PARD3B: variants seen among roughly 807,000 people sequenced by gnomAD.
The protein encoded by PARD3B is partitioning defective 3 homolog B.
A neutral mutation model predicts 130.2 loss-of-function variants in PARD3B; 103 were observed. The ratio of observed to expected loss-of-function variants is 0.79; its 90% CI spans 0.67 to 0.93. The LOEUF (loss-of-function observed/expected upper bound fraction) is 0.93. Ranked by LOEUF, PARD3B falls within the 40% of genes least tolerant of loss-of-function variation. The pLI is 0.00. For missense variants in PARD3B, 1,609 were observed against 1,499.2 expected (o/e 1.07, Z -1.21); for synonymous variants, 583 against 553.2 (o/e 1.05, Z -0.76).
intron 2 of PARD3B, among the ~76,000 whole-genome samples, chr2:204,908,549 A>G (rs1450559887): frequency 6.6e-6 from 1 of 152,228 alleles, no homozygotes; most frequent in Non-Finnish European, 1.5e-5. Context: ...TTTGTATGAA[A>G]ACAAGTGACT....
rs576305951 is a variant in PARD3B, at chr2:205,007,491, T to G, written c.395-40090T>G. 1.0e-3 allele frequency among the ~76,000 whole-genome samples: 156 copies of G among 152,226 alleles called. 1 individual carries two copies. The highest frequency in any genetic ancestry group is 9.0e-3 in the Admixed American group (137 of 15,278). ...TTTTGTATGCTTTACTGGCTGTGAG[T>G]TTTTGGCTTTATTTCTGGATTCTCT... On this transcript the variant is annotated intron_variant, in intron 3 of 22. Transcript: ENST00000406610.
At chr2:205,324,185 T>A (rs916466318) in intron 18 of PARD3B, among the ~76,000 whole-genome samples, 4 of 152,190 alleles carry the variant, frequency 2.6e-5, no homozygotes, top group African/African-American at 9.6e-5. Flanking sequence ...TGCTGCAAAC[T>A]GAAAAATGAT....
chr2:204,593,393 C>G (rs1313461083), intron 1 of PARD3B, among the ~76,000 whole-genome samples: 1 of 152,152 alleles, frequency 6.6e-6, no homozygotes, highest in African/African-American at 2.4e-5. Flanking sequence ...GTAATATCCT[C>G]CACAGTACCA....
At chr2:205,420,095 A>T (rs1477220336) in intron 19 of PARD3B, among the ~76,000 whole-genome samples, 2 of 152,222 alleles carry the variant, frequency 1.3e-5, no homozygotes, top group Non-Finnish European at 2.9e-5. Context: ...AATCCAGGTT[A>T]TACAGCATTG....
intron 3 of PARD3B, among the ~76,000 whole-genome samples, chr2:205,030,660 C>T (rs913327949): frequency 6.6e-6 from 1 of 151,932 alleles, no homozygotes; most frequent in Admixed American, 6.6e-5. Flanking sequence ...TGTTTGATAC[C>T]ATATGTTTGT....
At chr2:205,516,544 G>T (rs751753910) in intron 21 of PARD3B, among the ~76,000 whole-genome samples, 9 of 152,154 alleles carry the variant, frequency 5.9e-5, no homozygotes, top group Non-Finnish European at 5.9e-5. Context: ...TTGTGAATGG[G>T]ATTGCCTTTC....
intron 22 of PARD3B, among the ~76,000 whole-genome samples, chr2:205,599,742 G>A (rs571293866): frequency 6.6e-5 from 10 of 152,304 alleles, no homozygotes; most frequent in Admixed American, 2.6e-4. Flanking sequence ...TTCCAGTCAC[G>A]TATGAATCTT....
At position 205,241,023 on chromosome 2, in the gene PARD3B, T is replaced by G. The variant is rs535834368; in HGVS notation, c.2141-4755T>G. ...ATTTTCTTTCTCTCAATTCTAATGA[T>G]GAACTGGTTGAAATTAAGTGAAAAG... is the stretch of plus-strand genomic sequence containing the variant. On this transcript the variant is annotated intron_variant, in intron 15 of 22. Transcript: ENST00000406610. This position sits in a 1 kb window ranked among gnomAD's most constrained non-coding sequence, Gnocchi z 4.2. Among the ~76,000 whole-genome samples, 11 of 152,306 alleles carry G rather than the reference T, an allele frequency of 7.2e-5. No individual in the cohort carries two copies. The South Asian group carries it at 1.9e-3, about 26-fold the overall frequency.
Position 205,281,245 on chromosome 2 carries a change from G to T in PARD3B, c.2186-19285G>T, listed in dbSNP as rs1005033796. Reference sequence around the variant, plus strand: ...GGCAGGTCTAAAGACAAAAGGGTTGGGGATGATCATGTTAAATAAACATCT... The same window carrying T: ...GGCAGGTCTAAAGACAAAAGGGTTGTGGATGATCATGTTAAATAAACATCT... On this transcript the variant is annotated intron_variant, in intron 16 of 22. Coordinates refer to ENST00000406610, the MANE Select transcript of PARD3B (RefSeq NM_001302769.2). This position sits in a 1 kb window ranked among gnomAD's most constrained non-coding sequence, Gnocchi z 4.2. Among the ~76,000 whole-genome samples, 1 of 152,130 alleles carries T rather than the reference G, an allele frequency of 6.6e-6. No homozygotes were observed. The highest frequency in any genetic ancestry group is 1.5e-5 in the Non-Finnish European group (1 of 68,022).
In PARD3B at chr2:205,446,784, A is replaced by G. The variant is rs1189367803; in HGVS notation, c.3044+6112A>G. ...GTAGCATGGGTTAAATCCTGCCCTC[A>G]AAGCCTGACAATTACTCAGGTTTAC... On this transcript the variant is annotated intron_variant, in intron 20 of 22. Transcript: ENST00000406610. This position sits in a 1 kb window ranked among gnomAD's most constrained non-coding sequence, Gnocchi z 4.4. 6.6e-6 allele frequency among the ~76,000 whole-genome samples: 1 copy of G among 152,206 alleles called. No homozygotes were observed. Among genetic ancestry groups the G allele is most frequent in the Non-Finnish European group, 1.5e-5 (1 of 68,036 alleles).
At chr2:205,569,369 T>C (rs1301550056) in intron 22 of PARD3B, among the ~76,000 whole-genome samples, 1 of 152,228 alleles carries the variant, frequency 6.6e-6, no homozygotes, top group African/African-American at 2.4e-5. Context: ...GTTAAATCTT[T>C]CATCTTTTGC....
At chr2:205,343,803 C>T (rs974865925) in intron 18 of PARD3B, among the ~76,000 whole-genome samples, 1 of 151,764 alleles carries the variant, frequency 6.6e-6, no homozygotes, top group African/African-American at 2.4e-5. Flanking sequence ...ACAATATCTT[C>T]TCTTTCTCTC....
chr2:205,434,383 T>A (rs1164228964), intron 19 of PARD3B, among the ~76,000 whole-genome samples: 2 of 152,194 alleles, frequency 1.3e-5, no homozygotes, highest in South Asian at 4.1e-4. Context: ...AAATATTGAA[T>A]AAATTAATCT....
Position 204,935,411 on chromosome 2 carries a change from C to T in PARD3B, c.223-29741C>T, listed in dbSNP as rs192836090. The stretch of plus-strand genomic sequence containing the variant: ...AAAATTAGCCTGGCATGGTGACGGG[C>T]GCCTGTAGTCCCAGCTACTCGGGAG... On this transcript the variant is annotated intron_variant, in intron 2 of 22. Transcript: ENST00000406610. Among the ~76,000 whole-genome samples the T allele has an allele frequency of 7.7e-3, 1,144 of 149,450 alleles. 18 individuals carry two copies. The highest frequency in any genetic ancestry group is 0.026 in the African/African-American group (1,061 of 41,010).
chr2:205,000,477 C>T (rs1694740877), intron 3 of PARD3B, among the ~76,000 whole-genome samples: 1 of 152,082 alleles, frequency 6.6e-6, no homozygotes, highest in African/African-American at 2.4e-5. Context: ...TCCATGTATG[C>T]CTGAATATAT....
intron 2 of PARD3B, among the ~76,000 whole-genome samples, chr2:204,750,875 T>G (rs1411118125): frequency 6.6e-6 from 1 of 152,180 alleles, no homozygotes; most frequent in East Asian, 1.9e-4. Flanking sequence ...TTTAGGTAAC[T>G]CTTGCAAAGG....
chr2:204,803,619 G>T (rs1428685082), intron 2 of PARD3B, among the ~76,000 whole-genome samples: 1 of 152,142 alleles, frequency 6.6e-6, no homozygotes, highest in Non-Finnish European at 1.5e-5. Flanking sequence ...GTCTGTTTAT[G>T]CAACCAGTGT....
In PARD3B at chr2:204,675,142, T is replaced by C. The variant is rs148877143; in HGVS notation, c.121-11039T>C. 3.6e-3 allele frequency among the ~76,000 whole-genome samples: 543 copies of C among 152,302 alleles called. No homozygotes were observed. The highest frequency in any genetic ancestry group is 6.8e-3 in the Middle Eastern group (2 of 294). ...ATAAAATTTCATTGGAAACAAATAA[T>C]GGAAAACAGGATTTTTAAAAAATCA... On this transcript the variant is annotated intron_variant, in intron 1 of 22. Transcript: ENST00000406610. This position sits in a 1 kb window ranked among gnomAD's most constrained non-coding sequence, Gnocchi z 4.4.
At chr2:204,882,891 C>A (rs2125672646) in intron 2 of PARD3B, among the ~76,000 whole-genome samples, 1 of 152,274 alleles carries the variant, frequency 6.6e-6, no homozygotes, top group East Asian at 1.9e-4. Flanking sequence ...ATGAGCTTGG[C>A]AGTCCTGGTG....
Sources: gnomAD v4.1 joint callset for allele counts (sites outside exome capture counted in the v4.1 genomes callset) on GRCh38, gnomAD v4.1.1 for gene constraint, Gnocchi (gnomAD v3.1) non-coding constraint, MANE v1.5 for transcripts, NCBI Gene and HGNC (gene_info 2026-07-23, HGNC 2026-07-21) for gene names.